Variants in NTM observed in about 807,000 individuals in gnomAD.
The protein encoded by NTM is neurotrimin, also known as IgLON family member 2.
Under a neutral mutation model 42.1 loss-of-function variants are expected in NTM, and 13 were observed. The observed-to-expected ratio is 0.31, with a 90% CI of 0.20 to 0.49. The LOEUF is 0.49. Ranked by LOEUF, NTM falls within the 20% of genes least tolerant of loss-of-function variation. NTM has a pLI of 0.99. For synonymous variants in NTM, 187 were observed against 179.2 expected (o/e 1.04, Z -0.35); for missense variants, 373 against 452.8 (o/e 0.82, Z 1.60).
intron 1 of NTM, among the ~76,000 whole-genome samples, chr11:131,412,522 C>A (rs1591596941): frequency 2.0e-5 from 3 of 152,262 alleles, no homozygotes; most frequent in Admixed American, 2.0e-4. Context: ...AATATTAAGA[C>A]AAAACTGTCC....
intron 2 of NTM, among the ~76,000 whole-genome samples, chr11:132,134,841 A>G (rs984405833): frequency 3.3e-5 from 5 of 149,476 alleles, no homozygotes; most frequent in Non-Finnish European, 5.9e-5. Flanking sequence ...TTGTGCTGCT[A>G]TATACATGCG....
intron 1 of NTM, among the ~76,000 whole-genome samples, chr11:131,874,583 C>T (rs1255272682): frequency 6.6e-6 from 1 of 152,124 alleles, no homozygotes; most frequent in East Asian, 1.9e-4. Flanking sequence ...TAAACCTTTA[C>T]TATTTTACTA....
chr11:131,554,992 A>G (rs2055207572), intron 1 of NTM, among the ~76,000 whole-genome samples: 1 of 152,110 alleles, frequency 6.6e-6, no homozygotes, highest in African/African-American at 2.4e-5. Context: ...AAAAAGCTAT[A>G]CACTTTCTAA....
chr11:132,266,381 G>A (rs2093185090), intron 4 of NTM, among the ~76,000 whole-genome samples: 1 of 152,192 alleles, frequency 6.6e-6, no homozygotes, highest in African/African-American at 2.4e-5. Flanking sequence ...TCCTAGTAGT[G>A]GCATCTGAGG....
chr11:131,938,596 T>C (rs932230389), intron 2 of NTM, among the ~76,000 whole-genome samples: 2 of 152,158 alleles, frequency 1.3e-5, no homozygotes, highest in Admixed American at 1.3e-4. Context: ...GGCTTGGTCA[T>C]GTGTATGTCT....
intron 1 of NTM, among the ~76,000 whole-genome samples, chr11:131,418,908 C>T (rs1947224809): frequency 6.6e-6 from 1 of 152,112 alleles, no homozygotes; most frequent in South Asian, 2.1e-4. Context: ...AGGGTGGCGC[C>T]TCATGAACAC....
intron 4 of NTM, among the ~76,000 whole-genome samples, chr11:132,283,510 G>C (rs905018746): frequency 6.6e-6 from 1 of 152,158 alleles, no homozygotes; most frequent in Non-Finnish European, 1.5e-5. Context: ...ACAGCGATCA[G>C]AGATCAAGGA....
At chr11:131,873,587 C>G (rs567833633) in intron 1 of NTM, among the ~76,000 whole-genome samples, 2,647 of 26,740 alleles carry the variant, frequency 0.099, 315 homozygotes, top group African/African-American at 0.23. Flanking sequence ...ATATATATAC[C>G]GTATATATAT....
intron 1 of NTM, among the ~76,000 whole-genome samples, chr11:131,611,045 A>G (rs776302768): frequency 3.6e-4 from 55 of 152,192 alleles, no homozygotes; most frequent in Non-Finnish European, 6.0e-4. Flanking sequence ...ACCTGGACTG[A>G]GGTGTTTATA....
chr11:131,802,483 C>T (rs1383731309), intron 1 of NTM, among the ~76,000 whole-genome samples: 1 of 152,242 alleles, frequency 6.6e-6, no homozygotes, highest in Non-Finnish European at 1.5e-5. Context: ...ACATGCCACC[C>T]ATCCCCATGA....
At chr11:131,470,506 A>G (rs1952334615) in intron 1 of NTM, among the ~76,000 whole-genome samples, 2 of 152,188 alleles carry the variant, frequency 1.3e-5, no homozygotes, top group South Asian at 4.1e-4. Context: ...TCACACTGGC[A>G]CACGTTGCTA....
chr11:131,481,808 T>A (rs555073636), intron 1 of NTM, among the ~76,000 whole-genome samples: 1 of 152,260 alleles, frequency 6.6e-6, no homozygotes, highest in East Asian at 1.9e-4. Context: ...TTAAAAAAAA[T>A]TAAAAAATAA....
chr11:131,729,784 G>A (rs112327362), intron 1 of NTM, among the ~76,000 whole-genome samples: 2 of 151,946 alleles, frequency 1.3e-5, no homozygotes, highest in Non-Finnish European at 1.5e-5. Context: ...ATATTTCCTT[G>A]TGTGGATATG....
At chr11:131,814,885 T>C (rs1592045884) in intron 1 of NTM, among the ~76,000 whole-genome samples, 1 of 152,278 alleles carries the variant, frequency 6.6e-6, no homozygotes, top group Non-Finnish European at 1.5e-5. Context: ...AATCACCAAG[T>C]AAACTCTGAC....
intron 2 of NTM, among the ~76,000 whole-genome samples, chr11:131,941,059 G>A (rs2059741874): frequency 6.6e-6 from 1 of 152,340 alleles, no homozygotes; most frequent in South Asian, 2.1e-4. Context: ...TTAAAGGGGA[G>A]AGGGAAGATA....
At chr11:132,105,400 G>C (rs1038491442) in intron 2 of NTM, among the ~76,000 whole-genome samples, 1 of 152,012 alleles carries the variant, frequency 6.6e-6, no homozygotes, top group Non-Finnish European at 1.5e-5. Context: ...AGAAAAGAGA[G>C]CTATTAAAAT....
chr11:132,113,180 G>C (rs76687153), intron 2 of NTM, among the ~76,000 whole-genome samples: 1,577 of 152,296 alleles, frequency 0.01, 29 homozygotes, highest in African/African-American at 0.035. Flanking sequence ...GGCTCTACTT[G>C]CGAGTCTTGT....
At chr11:132,075,387 T>C (rs1338315225) in intron 2 of NTM, among the ~76,000 whole-genome samples, 1 of 152,220 alleles carries the variant, frequency 6.6e-6, no homozygotes, top group African/African-American at 2.4e-5. Context: ...TTTGTAAAAC[T>C]AAGGTGCAAC....
At chr11:131,937,951 G>A (rs1028860295) in intron 2 of NTM, among the ~76,000 whole-genome samples, 1 of 152,204 alleles carries the variant, frequency 6.6e-6, no homozygotes, top group African/African-American at 2.4e-5. Context: ...AGCCAAGCCT[G>A]AAAATAATGT....
Sources: gnomAD v4.1 joint callset for allele counts (sites outside exome capture counted in the v4.1 genomes callset) on GRCh38, gnomAD v4.1.1 for gene constraint, MANE v1.5 for transcripts, NCBI Gene and HGNC (gene_info 2026-07-23, HGNC 2026-07-21) for gene names.